The following WSB2 variants were observed in gnomAD, a reference collection of about 807,000 sequenced individuals.
WSB2 encodes the protein WD repeat and SOCS box containing 2.
Under a neutral mutation model 48.8 loss-of-function variants are expected in WSB2, and 12 were observed. The observed-to-expected ratio is 0.25, with a 90% CI of 0.16 to 0.40. The LOEUF (loss-of-function observed/expected upper bound fraction) is 0.40. Among genes scored for constraint, WSB2 ranks in the 10% least tolerant of loss-of-function variants. WSB2 has a pLI of 1.00. For synonymous variants in WSB2, 191 were observed against 203.1 expected, an observed-to-expected ratio of 0.94 and a Z score of 0.51; for missense variants, 317 against 506.2, an observed-to-expected ratio of 0.63 and a Z score of 3.59.
At chr12:118,057,007 T>G (rs1395953450) in intron 1 of WSB2, among the ~76,000 whole-genome samples, 1 of 152,208 alleles carries the variant, frequency 6.6e-6, no homozygotes, top group Admixed American at 6.5e-5. Flanking sequence ...ATTCACACTC[T>G]ATTTCTGTGA....
intron 4 of WSB2, among the ~76,000 whole-genome samples, chr12:118,038,620 A>G (rs1030080152): frequency 2.0e-5 from 3 of 152,168 alleles, no homozygotes; most frequent in Admixed American, 6.6e-5. Flanking sequence ...ACCAGTACCT[A>G]TGGCTTCAAC....
Position 118,061,073 on chromosome 12 carries a change from C to A in WSB2, c.-25G>T. The A allele has an allele frequency of 1.0e-6, 1 of 983,306 alleles. No homozygotes were observed. The highest frequency in any genetic ancestry group is 1.2e-6 in the Non-Finnish European group (1 of 829,766). 60.9% of individuals were successfully genotyped at this position (983,306 alleles called of 1,614,324 possible). A position where few individuals can be genotyped will look rare whatever the true frequency, so the allele number is the denominator to read the frequency against. On this transcript the variant is annotated 5_prime_UTR_variant, in exon 1 of 9. Transcript: ENST00000315436. ...TGGAGGACGCGAGCGGCCCCCGCGG[C>A]AGGCGGCGGGCGCCTCAGCCCCCCG...
chr12:118,052,507 A>G (rs1314648337), intron 1 of WSB2, 29 bp from the exon 2 acceptor site: 9 of 1,612,618 alleles, frequency 5.6e-6, no homozygotes, highest in Middle Eastern at 3.8e-4. Flanking sequence ...TGCTTCAAAC[A>G]CACACCCCCT....
chr12:118,054,226 A>C (rs1437495951), intron 1 of WSB2, among the ~76,000 whole-genome samples: 29 of 149,186 alleles, frequency 1.9e-4, no homozygotes, highest in African/African-American at 5.6e-4. Flanking sequence ...CCAAAAAAAA[A>C]AAAAAAAAAA....
chr12:118,038,888 C>T (rs1322710890), intron 4 of WSB2, among the ~76,000 whole-genome samples: 1 of 152,070 alleles, frequency 6.6e-6, no homozygotes, highest in Non-Finnish European at 1.5e-5. Flanking sequence ...ACCATATTGG[C>T]CAGGCTGGTC....
intron 1 of WSB2, among the ~76,000 whole-genome samples, chr12:118,058,857 T>A (rs1259975131): frequency 2.6e-5 from 4 of 151,994 alleles, no homozygotes; most frequent in Non-Finnish European, 5.9e-5. Flanking sequence ...CCACCACGCC[T>A]GGTTAATTTT....
chr12:118,039,980 G>A (rs12830847), intron 4 of WSB2, among the ~76,000 whole-genome samples: 14 of 151,820 alleles, frequency 9.2e-5, no homozygotes, highest in African/African-American at 2.7e-4. Context: ...TCCTGACCTC[G>A]AGTGATCCGC....
intron 1 of WSB2, 79 bp from the exon 2 acceptor site, chr12:118,052,557 CCT>C: frequency 6.3e-7 from 1 of 1,585,614 alleles, no homozygotes; most frequent in Non-Finnish European, 8.6e-7. Context: ...CCACTGTCTC[CCT>C]GTGGCAAAGA....
In WSB2 at chr12:118,035,627, C is replaced by T. The variant is rs527643176; in HGVS notation, c.834-303G>A. On this transcript the variant is annotated intron_variant, in intron 6 of 8. Coordinates refer to ENST00000315436, the MANE Select transcript of WSB2 (RefSeq NM_018639.5). Reference sequence around the variant, plus strand: ...TGCAAGTCTTTTTTAGGCTAAGATACATGATAATTATAGGACTGCCTATTA... The same window carrying T: ...TGCAAGTCTTTTTTAGGCTAAGATATATGATAATTATAGGACTGCCTATTA... The T allele has an allele frequency of 9.5e-6, 3 of 315,154 alleles. No homozygotes were observed. The Admixed American group carries it at 1.4e-4, about 15-fold the overall frequency. 19.5% of individuals were successfully genotyped at this position (315,154 alleles called of 1,614,324 possible). A position where few individuals can be genotyped will look rare whatever the true frequency, so the allele number is the denominator to read the frequency against.
intron 1 of WSB2, among the ~76,000 whole-genome samples, chr12:118,057,723 T>C (rs2137801008): frequency 6.6e-6 from 1 of 152,084 alleles, no homozygotes; most frequent in South Asian, 2.1e-4. Context: ...TGAGAACACT[T>C]AAAATCTACT....
At chr12:118,062,115 G>A (rs779543876), upstream of WSB2, 6 of 1,535,160 alleles carry the variant, frequency 3.9e-6, no homozygotes, top group South Asian at 4.8e-5. Flanking sequence ...CGACAGCCTC[G>A]CCTGTCCCCG....
chr12:118,043,439 C>T (rs531274010), intron 2 of WSB2, 62 bp from the exon 3 acceptor site: 1,131 of 1,508,652 alleles, frequency 7.5e-4, no homozygotes, highest in Non-Finnish European at 9.3e-4. Context: ...AACTTTTCAT[C>T]CTGGGACACG....
At chr12:118,059,604 T>C (rs1489672706) in intron 1 of WSB2, among the ~76,000 whole-genome samples, 2 of 152,170 alleles carry the variant, frequency 1.3e-5, no homozygotes, top group African/African-American at 4.8e-5. Context: ...CAAAACGAAG[T>C]TGTCAATCTT....
At chr12:118,041,585 G>C (rs1389320031) in intron 4 of WSB2, among the ~76,000 whole-genome samples, 2 of 151,996 alleles carry the variant, frequency 1.3e-5, no homozygotes, top group Non-Finnish European at 1.5e-5. Context: ...ACACCATGGG[G>C]ACAAGTGGCC....
intron 6 of WSB2, chr12:118,036,069 G>C (rs566043233): frequency 1.6e-5 from 4 of 245,626 alleles, no homozygotes; most frequent in African/African-American, 9.0e-5. Context: ...AGGCCTGGTG[G>C]CGCACGCTTG....
chr12:118,043,212 G>A lies in WSB2; in HGVS notation c.348C>T (p.Pro116=), dbSNP rs2031676377. 6.2e-7 allele frequency: 1 copy of A among 1,614,118 alleles called. No individual in the cohort carries two copies. Among genetic ancestry groups the A allele is most frequent in the African/African-American group, 1.3e-5 (1 of 74,948 alleles). ...PSRKLWARHH[P]QVPDVSCLVL... Reference sequence around the variant, plus strand: ...CCAGGCAAGAGACATCGGGCACTTGGGGGTGGTGGCGTGCCCAGAGCTTCC... The same window carrying A: ...CCAGGCAAGAGACATCGGGCACTTGAGGGTGGTGGCGTGCCCAGAGCTTCC... Residue 116 remains proline, a synonymous_variant, in exon 3 of 9, where the codon CCC becomes CCT. Transcript: ENST00000315436.
At chr12:118,053,846 T>C (rs1216021887) in intron 1 of WSB2, among the ~76,000 whole-genome samples, 1 of 152,238 alleles carries the variant, frequency 6.6e-6, no homozygotes, top group Admixed American at 6.5e-5. Context: ...ACTTTGACCC[T>C]GGCTGTTACC....
intron 2 of WSB2, among the ~76,000 whole-genome samples, chr12:118,043,888 A>G (rs1349056662): frequency 6.6e-6 from 1 of 151,974 alleles, no homozygotes; most frequent in Non-Finnish European, 1.5e-5. Context: ...AGGCTAAGGC[A>G]GGTGGATCGC....
At chr12:118,048,024 G>A (rs374162595) in intron 2 of WSB2, among the ~76,000 whole-genome samples, 407 of 152,096 alleles carry the variant, frequency 2.7e-3, no homozygotes, top group South Asian at 9.5e-3. Context: ...ATTCCTGGGT[G>A]CAGGTGATCC....
Sources: allele counts gnomAD v4.1 joint callset (sites outside exome capture counted in the v4.1 genomes callset), GRCh38; gene constraint gnomAD v4.1.1; transcripts MANE v1.5; gene names NCBI Gene and HGNC (gene_info 2026-07-23, HGNC 2026-07-21).